ARHGEF16: variants seen among roughly 807,000 people sequenced by gnomAD.
The protein encoded by ARHGEF16 is Rho guanine exchange factor (GEF) 16.
A neutral mutation model predicts 74.1 loss-of-function variants in ARHGEF16; 59 were observed. The observed-to-expected ratio is 0.80, with a 90% CI of 0.65 to 0.99. ARHGEF16 has a LOEUF of 0.99. ARHGEF16 is among the 50% of genes least tolerant of loss of function. ARHGEF16 has a pLI of 0.00. For missense variants in ARHGEF16, 948 were observed against 986.6 expected (o/e 0.96, Z 0.52); for synonymous variants, 415 against 412.6 (o/e 1.01, Z -0.07).
chr1:3,460,309 G>A (rs1287874982), intron 1 of ARHGEF16, among the ~76,000 whole-genome samples: 1 of 152,228 alleles, frequency 6.6e-6, no homozygotes, highest in African/African-American at 2.4e-5. Flanking sequence ...GCCAGCCAGG[G>A]CCAGGACACC....
chr1:3,457,948 G>A (rs1029591783), intron 1 of ARHGEF16, among the ~76,000 whole-genome samples: 3 of 152,194 alleles, frequency 2.0e-5, no homozygotes, highest in Non-Finnish European at 4.4e-5. Flanking sequence ...AGAAGCAGCA[G>A]GAAGTCGCCC....
At chr1:3,480,249 T>C (rs1198501833) in intron 14 of ARHGEF16, among the ~76,000 whole-genome samples, 199 bp from the exon 15 acceptor site, 1 of 152,168 alleles carries the variant, frequency 6.6e-6, no homozygotes. Context: ...CCAGCACCCT[T>C]CTCAGTGGCG....
In ARHGEF16 at chr1:3,477,927, T is replaced by C. The variant is rs1639937066; in HGVS notation, c.1526T>C (p.Phe509Ser). ...TGGCTGCTGAAGCGCGGAGAGCTGT[T>C]CTTAGTGGAAGAAACCGGACTTTTT... ...SRWLLKRGEL[F>S]LVEETGLFRK... Residue 509 changes from phenylalanine to serine, a missense_variant, in exon 11 of 15, where the codon TTC becomes TCC. Coordinates refer to ENST00000378378, the MANE Select transcript of ARHGEF16 (RefSeq NM_014448.4). 9 of 1,612,622 alleles carry C rather than the reference T, an allele frequency of 5.6e-6. No individual in the cohort carries two copies. Among genetic ancestry groups the C allele is most frequent in the Non-Finnish European group, 7.6e-6 (9 of 1,179,882 alleles).
chr1:3,466,167 G>T lies in ARHGEF16; in HGVS notation c.608G>T (p.Arg203Leu), dbSNP rs972436561. 1.9e-6 allele frequency: 3 copies of T among 1,546,946 alleles called. No individual in the cohort carries two copies. The highest frequency in any genetic ancestry group is 1.7e-6 in the Non-Finnish European group (2 of 1,145,500). Residue 203 changes from arginine (R) to leucine (L), a missense_variant, in exon 3 of 15, where the codon CGT becomes CTT. By Grantham distance (102) the Arg-to-Leu change is moderately radical (BLOSUM62 -2). Transcript: ENST00000378378. ...GTGCAGAAGACGCTGGGGAGGAAAC[G>T]TGGGCACAAGGGTTCCTTCAAGGAC... ...AKNKKTLGRK[R>L]GHKGSFKDDP...
At chr1:3,478,693 T>C in intron 12 of ARHGEF16, 81 bp downstream of exon 12, 1 of 1,450,848 alleles carries the variant, frequency 6.9e-7, no homozygotes, top group Non-Finnish European at 9.2e-7. Flanking sequence ...CCTGCCTTGC[T>C]CGCTGTTGCA....
At chr1:3,477,089 C>T (rs1186405447) in intron 10 of ARHGEF16, among the ~76,000 whole-genome samples, 2 of 151,836 alleles carry the variant, frequency 1.3e-5, no homozygotes, top group Non-Finnish European at 2.9e-5. Context: ...ACAGGCCCAT[C>T]CAGGAGGGAG....
At position 3,478,573 on chromosome 1, in the gene ARHGEF16, AG is replaced by A; in HGVS notation, c.1778del (p.Gly593AlafsTer225). ...PFQVTLLRNS[E>X]GRQEQLLLSS... ...CAGGTGACCCTGCTTCGCAACAGCG[AG>A]GGCCGCCAGGAGCAGCTCCTGCTCT... is the stretch of plus-strand genomic sequence containing the variant. On this transcript the variant is annotated frameshift_variant, in exon 12 of 15. Transcript: ENST00000378378. LOFTEE classifies it high-confidence loss of function. 1 of 1,612,340 alleles carries A rather than the reference AG, an allele frequency of 6.2e-7. No homozygotes were observed. Among genetic ancestry groups the A allele is most frequent in the Non-Finnish European group, 8.5e-7 (1 of 1,179,736 alleles).
Position 3,463,658 on chromosome 1 carries a change from C to T in ARHGEF16, c.574C>T (p.Pro192Ser). ...ACCCAGCCAGCCTCATACTCGGAGC[C>T]CGGCCAAAAACAAGGTAGGGGCCTG... Reference protein sequence around the residue: ...EEPSQPHTRSPAKNKKTLGRK... With the variant: ...EEPSQPHTRSSAKNKKTLGRK... The change falls in exon 2 of 15, where the codon CCG becomes TCG. Residue 192 changes from proline to serine, a missense_variant. Physicochemically the swap from Pro to Ser is moderately conservative, Grantham distance 74. Coordinates refer to ENST00000378378, the MANE Select transcript of ARHGEF16 (RefSeq NM_014448.4). The T allele has an allele frequency of 1.4e-6, 2 of 1,413,162 alleles. No individual in the cohort carries two copies. Among genetic ancestry groups the T allele is most frequent in the South Asian group, 1.8e-5 (1 of 56,904 alleles). 87.5% of individuals were successfully genotyped at this position (1,413,162 alleles called of 1,614,324 possible). A position where few individuals can be genotyped will look rare whatever the true frequency, so the allele number is the denominator to read the frequency against.
chr1:3,466,072 G>A, intron 2 of ARHGEF16, 76 bp from the exon 3 acceptor site: 1 of 1,496,646 alleles, frequency 6.7e-7, no homozygotes, highest in Non-Finnish European at 9.1e-7. Context: ...GGTCTCTGGG[G>A]TCCCAGGGCA....
chr1:3,473,635 C>T lies in ARHGEF16; in HGVS notation c.1305+113C>T, dbSNP rs747558338. ...TGTGACCTTCTCCTCCAGGCTTGGC[C>T]TATGATATTGTAATAGTTACGATCC... On this transcript the variant is annotated intron_variant, in intron 8 of 14. Coordinates refer to ENST00000378378, the MANE Select transcript of ARHGEF16 (RefSeq NM_014448.4). The T allele has an allele frequency of 5.2e-6, 8 of 1,524,422 alleles. No individual in the cohort carries two copies. In the South Asian group the frequency reaches 8.0e-5, roughly 15 times the overall value. The allele number at this position is 1,524,422 out of a possible 1,614,324, so 94.4% of individuals were successfully genotyped here.
At position 3,469,510 on chromosome 1, in the gene ARHGEF16, C is replaced by G. The variant is rs1332013181; in HGVS notation, c.939C>G (p.Ser313=). The G allele has an allele frequency of 3.1e-6, 5 of 1,613,118 alleles. No homozygotes were observed. The highest frequency in any genetic ancestry group is 4.2e-6 in the Non-Finnish European group (5 of 1,180,006). The change falls in exon 6 of 15, where the codon TCC becomes TCG. Residue 313 remains serine (S), a synonymous_variant. Coordinates refer to ENST00000378378, the MANE Select transcript of ARHGEF16 (RefSeq NM_014448.4). ...LSILVEEFLQ[S]KELRATVTQM... Reference sequence around the variant, plus strand: ...TCCTGGTGGAGGAGTTCCTGCAGTCCAAGGAGCTGCGGGCGACCGTGACCC... The same window carrying G: ...TCCTGGTGGAGGAGTTCCTGCAGTCGAAGGAGCTGCGGGCGACCGTGACCC...
intron 10 of ARHGEF16, among the ~76,000 whole-genome samples, chr1:3,476,847 C>G (rs549158449): frequency 2.6e-4 from 39 of 152,054 alleles, no homozygotes; most frequent in African/African-American, 9.2e-4. Context: ...CGGGGTGGGT[C>G]AGGGCGGGCT....
chr1:3,463,148 G>C lies in ARHGEF16; in HGVS notation c.64G>C (p.Glu22Gln). ...GCTCCTGGGACACCGCTTCCACTCG[G>C]AGCTCCGGCTCGATGCCGGGGGGAA... ...EKLLGHRFHS[E>Q]LRLDAGGNPA... is the part of the protein sequence containing the mutation. Residue 22 changes from glutamate (E) to glutamine (Q), a missense_variant, in exon 2 of 15, where the codon GAG becomes CAG. Transcript: ENST00000378378. 6.7e-7 allele frequency: 1 copy of C among 1,497,296 alleles called. No individual in the cohort carries two copies. The highest frequency in any genetic ancestry group is 1.4e-5 in the African/African-American group (1 of 71,284). The allele number at this position is 1,497,296 out of a possible 1,614,324, so 92.8% of individuals were successfully genotyped here.
intron 3 of ARHGEF16, 70 bp downstream of exon 3, chr1:3,466,263 G>A (rs1483896762): frequency 4.8e-6 from 7 of 1,471,676 alleles, no homozygotes; most frequent in Middle Eastern, 1.8e-4. Context: ...GGCACCCTGG[G>A]GTTCGGGTGG....
chr1:3,477,834 T>G, intron 10 of ARHGEF16, 41 bp from the exon 11 acceptor site: 3 of 1,593,734 alleles, frequency 1.9e-6, no homozygotes, highest in Non-Finnish European at 2.6e-6. Context: ...TCCCCCCCAG[T>G]CCCTCGCACT....
chr1:3,471,736 C>T (rs887032743), intron 6 of ARHGEF16: 202 of 1,210,926 alleles, frequency 1.7e-4, no homozygotes, highest in Non-Finnish European at 2.0e-4. Flanking sequence ...CCAGCTGGGC[C>T]CCCGACAGCT....
chr1:3,474,550 G>GC (rs1639828662), intron 8 of ARHGEF16, 158 bp from the exon 9 acceptor site: 2 of 648,964 alleles, frequency 3.1e-6, no homozygotes, highest in South Asian at 3.6e-5. Flanking sequence ...TGGTGCAGAG[G>GC]CCGTTCAGGG....
intron 1 of ARHGEF16, 112 bp from the exon 2 acceptor site, chr1:3,462,954 T>C (rs1569843226): frequency 4.3e-6 from 3 of 702,606 alleles, no homozygotes; most frequent in East Asian, 5.6e-5. Context: ...TGCTGTGTCC[T>C]GGGAGCTGTA....
At chr1:3,475,874 G>A in intron 9 of ARHGEF16, 96 bp from the exon 10 acceptor site, 2 of 1,261,454 alleles carry the variant, frequency 1.6e-6, no homozygotes, top group Non-Finnish European at 1.1e-6. Context: ...GCAGCCAGAG[G>A]CTGGCTGGGC....
Sources: gnomAD v4.1 joint callset for allele counts (sites outside exome capture counted in the v4.1 genomes callset) on GRCh38, gnomAD v4.1.1 for gene constraint, MANE v1.5 for transcripts, NCBI Gene and HGNC (gene_info 2026-07-23, HGNC 2026-07-21) for gene names.